TFF2: variants seen among roughly 807,000 people sequenced by gnomAD.
The protein encoded by TFF2 is spasmolysin.
A neutral mutation model predicts 16.0 loss-of-function variants in TFF2; 19 were observed. The ratio of observed to expected loss-of-function variants is 1.19; its 90% confidence interval spans 0.83 to 1.74. TFF2 has a LOEUF of 1.74. Among genes scored for constraint, TFF2 ranks in the 40% most tolerant of loss-of-function variants. TFF2 has a pLI of 0.00. For synonymous variants in TFF2, 61 were observed against 65.4 expected (o/e 0.93, Z 0.32); for missense variants, 168 against 166.8 (o/e 1.01, Z -0.04).
intron 3 of TFF2, 96 bp downstream of exon 3, chr21:42,347,390 C>T (rs2052076753): frequency 1.3e-6 from 2 of 1,541,118 alleles, no homozygotes. Context: ...GGCACTGAGG[C>T]TGCGAGGCAG....
Position 42,347,384 on chromosome 21 carries a change from C to T in TFF2, c.376+102G>A, listed in dbSNP as rs73225467. On this transcript the variant is annotated intron_variant, in intron 3 of 3. Transcript: ENST00000291526. ...GGCAGGGGCCCTGGCCTCGATGGCACTGAGGCTGCGAGGCAGCTCCCCTCC... is the reference window on the plus strand; with the variant it reads ...GGCAGGGGCCCTGGCCTCGATGGCATTGAGGCTGCGAGGCAGCTCCCCTCC... The T allele has an allele frequency of 5.7e-3, 8,586 of 1,518,686 alleles. 38 individuals are homozygous for T. Among genetic ancestry groups the T allele is most frequent in the Non-Finnish European group, 7.3e-3 (8,055 of 1,108,828 alleles). The allele number at this position is 1,518,686 out of a possible 1,614,324, so 94.1% of individuals were successfully genotyped here.
chr21:42,350,522 G>C (rs1568860409), intron 1 of TFF2, among the ~76,000 whole-genome samples: 2 of 152,222 alleles, frequency 1.3e-5, no homozygotes, highest in Non-Finnish European at 2.9e-5. Flanking sequence ...GGCAAAGCCA[G>C]ATCCTGTCTC....
chr21:42,349,054 GCTA>G (rs1181564385), intron 2 of TFF2, among the ~76,000 whole-genome samples: 1 of 146,616 alleles, frequency 6.8e-6, no homozygotes, highest in Non-Finnish European at 1.5e-5. Flanking sequence ...ACCAACCTGG[GCTA>G]CTAGCCTCAG....
At chr21:42,347,351 C>G in intron 3 of TFF2, 135 bp downstream of exon 3, 1 of 1,163,054 alleles carries the variant, frequency 8.6e-7, no homozygotes, top group South Asian at 1.4e-5. Flanking sequence ...CTTCAGAATC[C>G]CATAGGAGGC....
intron 2 of TFF2, among the ~76,000 whole-genome samples, chr21:42,347,897 G>T (rs1224048132): frequency 6.6e-6 from 1 of 152,208 alleles, no homozygotes; most frequent in Admixed American, 6.5e-5. Context: ...GCCCATGTGG[G>T]GTGGTCACAG....
At position 42,347,488 on chromosome 21, in the gene TFF2, T is replaced by A; in HGVS notation, c.374A>T (p.Glu125Val). Residue 125 changes from glutamate to valine, a missense_variant and splice_region_variant, in exon 3 of 4, where the codon GAA becomes GTA. Physicochemically the swap from Glu to Val is moderately radical, Grantham distance 121. Coordinates refer to ENST00000291526, the MANE Select transcript of TFF2 (RefSeq NM_005423.5). ...VPWCFFPKSV[E>V]DCHY ...AGAGAGTCCCACAGCGACGTTACCT[T>A]CCACAGACTTCGGGAAGAAGCACCA... 1.9e-6 allele frequency: 3 copies of A among 1,614,076 alleles called. No individual in the cohort carries two copies. The highest frequency in any genetic ancestry group is 2.5e-6 in the Non-Finnish European group (3 of 1,179,982).
chr21:42,346,440 G>A lies in TFF2; in HGVS notation c.*93C>T. The A allele has an allele frequency of 4.0e-6, 6 of 1,488,786 alleles. 1 individual carries two copies. In the South Asian group the frequency reaches 6.9e-5, roughly 17 times the overall value. The allele number at this position is 1,488,786 out of a possible 1,614,324, so 92.2% of individuals were successfully genotyped here. On this transcript the variant is annotated 3_prime_UTR_variant, in exon 4 of 4. Transcript: ENST00000291526. ...GGAAAAGATGGTTAAGAAAACCCAG[G>A]ATTTCATGAAGTATGAAGCTGATAA...
At chr21:42,350,334 C>A in intron 1 of TFF2, 1 of 329,826 alleles carries the variant, frequency 3.0e-6, no homozygotes. Flanking sequence ...CAAGACCATC[C>A]TGGGCAACAT....
At chr21:42,346,572 G>T in intron 3 of TFF2, 26 bp from the exon 4 acceptor site, 1 of 1,589,928 alleles carries the variant, frequency 6.3e-7, no homozygotes, top group South Asian at 1.2e-5. Context: ...CAAGATGGTT[G>T]GTAAGGGAAC....
chr21:42,346,549 A>G lies in TFF2; in HGVS notation c.377-3T>C, dbSNP rs1463442087. 1.9e-6 allele frequency: 3 copies of G among 1,598,652 alleles called. No homozygotes were observed. Among genetic ancestry groups the G allele is most frequent in the Non-Finnish European group, 2.6e-6 (3 of 1,175,884 alleles). ...CAGCCTCTCTTAGTAATGGCAGTCT[A>G]GAAGTTTAAATGCAAGATGGTTGGT... On this transcript the variant is annotated splice_region_variant and splice_polypyrimidine_tract_variant and intron_variant, in intron 3 of 3. Transcript: ENST00000291526.
intron 2 of TFF2, among the ~76,000 whole-genome samples, chr21:42,348,230 T>C (rs543317413): frequency 6.6e-6 from 1 of 150,482 alleles, no homozygotes; most frequent in African/African-American, 2.4e-5. Flanking sequence ...AACCTTCCTT[T>C]GAGCACTCGT....
At position 42,347,504 on chromosome 21, in the gene TFF2, A is replaced by G. The variant is rs2052078547; in HGVS notation, c.358T>C (p.Phe120Leu). ...ACGTTACCTTCCACAGACTTCGGGA[A>G]GAAGCACCAGGGCACTTCAAAGATG... ...NFIFEVPWCF[F>L]PKSVEDCHY is the part of the protein sequence containing the mutation. Residue 120 changes from phenylalanine to leucine, a missense_variant, in exon 3 of 4, where the codon TTC becomes CTC. Transcript: ENST00000291526. 6.2e-7 allele frequency: 1 copy of G among 1,614,070 alleles called. No homozygotes were observed. Among genetic ancestry groups the G allele is most frequent in the African/African-American group, 1.3e-5 (1 of 74,934 alleles).
In TFF2 at chr21:42,347,534, T is replaced by C. The variant is rs1406056542; in HGVS notation, c.328A>G (p.Asn110Asp). The stretch of plus-strand genomic sequence containing the variant: ...CACCAGGGCACTTCAAAGATGAAGT[T>C]GGAGAAGCAGCACTTCCGAGAGGCG... ...ECASRKCCFS[N>D]FIFEVPWCFF... The change falls in exon 3 of 4, where the codon AAC becomes GAC. Residue 110 changes from asparagine (N) to aspartate (D), a missense_variant. By Grantham distance (23) the Asn-to-Asp change is conservative. Transcript: ENST00000291526. The C allele has an allele frequency of 3.7e-6, 6 of 1,614,026 alleles. No homozygotes were observed. In the African/African-American group the frequency reaches 6.7e-5, roughly 18 times the overall value.
chr21:42,349,885 C>T lies in TFF2; in HGVS notation c.225G>A (p.Lys75=). 1.3e-6 allele frequency: 2 copies of T among 1,594,892 alleles called. No individual in the cohort carries two copies. The highest frequency in any genetic ancestry group is 1.7e-6 in the Non-Finnish European group (2 of 1,170,254). ...GAAGATTCCCTGGAAGATTACCTTGCTTTGGGAGGGGGTGGAAACACCAGG... is the reference window on the plus strand; with the variant it reads ...GAAGATTCCCTGGAAGATTACCTTGTTTTGGGAGGGGGTGGAAACACCAGG... ...GVPWCFHPLP[K]QESDQCVMEV... Residue 75 remains lysine, a synonymous_variant, in exon 2 of 4, where the codon AAG becomes AAA. Transcript: ENST00000291526.
intron 1 of TFF2, 43 bp from the exon 2 acceptor site, chr21:42,350,073 CCA>C (rs1325450243): frequency 6.4e-7 from 1 of 1,561,280 alleles, no homozygotes; most frequent in African/African-American, 1.4e-5. Flanking sequence ...GTACCCCAGA[CCA>C]CACTGCTCCT....
At chr21:42,350,096 GT>G in intron 1 of TFF2, 66 bp from the exon 2 acceptor site, 1 of 1,521,944 alleles carries the variant, frequency 6.6e-7, no homozygotes, top group Non-Finnish European at 8.8e-7. Context: ...TCTCTCAGAG[GT>G]TCTAGGGGAT....
chr21:42,349,911 G>T lies in TFF2; in HGVS notation c.199C>A (p.Pro67Thr), dbSNP rs2052102464. 6.2e-7 allele frequency: 1 copy of T among 1,600,406 alleles called. No individual in the cohort carries two copies. Among genetic ancestry groups the T allele is most frequent in the Non-Finnish European group, 8.5e-7 (1 of 1,173,446 alleles). Residue 67 changes from proline (P) to threonine (T), a missense_variant, in exon 2 of 4, where the codon CCC (proline) becomes ACC (threonine). Coordinates refer to ENST00000291526, the MANE Select transcript of TFF2 (RefSeq NM_005423.5). ...CCFDSSVTGVPWCFHPLPKQE... is the reference protein window; with the variant it reads ...CCFDSSVTGVTWCFHPLPKQE... ...TTTGGGAGGGGGTGGAAACACCAGG[G>T]GACCCCAGTGACACTGGAGTCGAAA...
Position 42,349,994 on chromosome 21 carries a change from C to T in TFF2, c.116G>A (p.Arg39Lys). ...GATTCCAGGGAAGCCGCAGTTCGTC[C>T]TGTTATGGGGGCTCAGCCTGGAGCA... Reference protein sequence around the residue: ...CQCSRLSPHNRTNCGFPGITS... With the variant: ...CQCSRLSPHNKTNCGFPGITS... The change falls in exon 2 of 4, where the codon AGG becomes AAG. Residue 39 changes from arginine to lysine, a missense_variant. Arg to Lys is a conservative substitution (Grantham distance 26). Coordinates refer to ENST00000291526, the MANE Select transcript of TFF2 (RefSeq NM_005423.5). 1 of 1,600,860 alleles carries T rather than the reference C, an allele frequency of 6.2e-7. No homozygotes were observed. Among genetic ancestry groups the T allele is most frequent in the Non-Finnish European group, 8.5e-7 (1 of 1,173,518 alleles).
chr21:42,347,929 G>C lies in TFF2; in HGVS notation c.230-297C>G, dbSNP rs76634634. ...ACAGTCAGAAGCTCTGGAGTCCCCCGCCTTGGGGAAATCATTTTGCCTCTC... is the reference window on the plus strand; with the variant it reads ...ACAGTCAGAAGCTCTGGAGTCCCCCCCCTTGGGGAAATCATTTTGCCTCTC... On this transcript the variant is annotated intron_variant, in intron 2 of 3. Transcript: ENST00000291526. 2.6e-4 allele frequency among the ~76,000 whole-genome samples: 39 copies of C among 152,298 alleles called. 1 individual carries two copies. In the East Asian group the frequency reaches 7.1e-3, roughly 28 times the overall value.
Sources: allele counts gnomAD v4.1 joint callset (sites outside exome capture counted in the v4.1 genomes callset), GRCh38; gene constraint gnomAD v4.1.1; transcripts MANE v1.5; gene names NCBI Gene and HGNC (gene_info 2026-07-23, HGNC 2026-07-21).